The following ATP10A variants were observed in gnomAD, a reference collection of about 807,000 sequenced individuals.
The protein encoded by ATP10A is phospholipid-transporting ATPase VA.
In ATP10A, 111 loss-of-function variants were observed where a neutral mutation model predicts 147.8. The ratio of observed to expected loss-of-function variants is 0.75; its 90% CI spans 0.64 to 0.88. The LOEUF (loss-of-function observed/expected upper bound fraction) is 0.88, where lower values mean the gene tolerates loss of function less well. ATP10A is among the 40% of genes least tolerant of loss of function. The pLI, the probability that ATP10A is intolerant of heterozygous loss-of-function variation, is 0.00. For missense variants in ATP10A, 1,927 were observed against 1,959.0 expected (o/e 0.98, Z 0.31); for synonymous variants, 875 against 841.6 (o/e 1.04, Z -0.69).
intron 14 of ATP10A, among the ~76,000 whole-genome samples, chr15:25,692,400 G>A (rs1234645166): frequency 6.6e-6 from 1 of 152,150 alleles, no homozygotes; most frequent in Admixed American, 6.5e-5. Flanking sequence ...TCGGGGAAAG[G>A]ACAGCAGAGT....
chr15:25,803,425 G>T (rs894188635), intron 1 of ATP10A, among the ~76,000 whole-genome samples: 1 of 152,184 alleles, frequency 6.6e-6, no homozygotes, highest in African/African-American at 2.4e-5. Flanking sequence ...TTTCTCTCCT[G>T]CTTCTCAGGT....
rs116609652 is a variant in ATP10A, at chr15:25,714,077, G to A, written c.1941C>T (p.Ser647=). The change falls in exon 10 of 21, where the codon AGC becomes AGT. Residue 647 remains serine (S), a synonymous_variant. Coordinates refer to ENST00000555815, the MANE Select transcript of ATP10A (RefSeq NM_024490.4). ...LGSSFPSTPS[S]DGMLLRLEER... ...CCTCCAGCCTGAGAAGCATGCCGTCGCTGGACGGGGTGGACGGGAAGCTGG... is the reference window on the plus strand; with the variant it reads ...CCTCCAGCCTGAGAAGCATGCCGTCACTGGACGGGGTGGACGGGAAGCTGG... The A allele has an allele frequency of 2.1e-4, 345 of 1,613,104 alleles. No homozygotes were observed. The East Asian group carries it at 6.4e-3, about 30-fold the overall frequency.
rs145601336 is a variant in ATP10A at position 25,723,900 on chromosome 15, T to C, written c.1101A>G (p.Ile367Met). Reference protein sequence around the residue: ...AAVYSFLTMIIVLQVLIPISL... With the variant: ...AAVYSFLTMIMVLQVLIPISL... ...TACTTAGTATTGTTACCTGCAGAAC[T>C]ATTATCATTGTTAAAAATGAGTAAA... The change falls in exon 6 of 21, where the codon ATA becomes ATG. Residue 367 changes from isoleucine to methionine, a missense_variant. Physicochemically the swap from Ile to Met is conservative, Grantham distance 10. Transcript: ENST00000555815. 3.3e-4 allele frequency: 521 copies of C among 1,602,728 alleles called. No homozygotes were observed. Among genetic ancestry groups the C allele is most frequent in the Non-Finnish European group, 4.3e-4 (508 of 1,176,572 alleles).
At chr15:25,703,866 G>A (rs1199173410) in intron 12 of ATP10A, among the ~76,000 whole-genome samples, 1 of 152,216 alleles carries the variant, frequency 6.6e-6, no homozygotes, top group Non-Finnish European at 1.5e-5. Context: ...AGGTGATGTG[G>A]GAACTTGGGG....
chr15:25,846,996 G>A (rs1283407649), intron 1 of ATP10A, among the ~76,000 whole-genome samples: 2 of 152,206 alleles, frequency 1.3e-5, no homozygotes, highest in Non-Finnish European at 2.9e-5. Flanking sequence ...GACTGTGGCT[G>A]TAATGAACCA....
chr15:25,841,956 G>A (rs1213023436), intron 1 of ATP10A, among the ~76,000 whole-genome samples: 3 of 152,130 alleles, frequency 2.0e-5, no homozygotes, highest in Admixed American at 6.5e-5. Context: ...GTTTTGTTTT[G>A]GGTTTTGTAG....
rs1303290722 is a variant in ATP10A at position 25,862,975 on chromosome 15, G to T, written c.122C>A (p.Ala41Glu). 2.0e-6 allele frequency: 3 copies of T among 1,491,336 alleles called. No homozygotes were observed. The highest frequency in any genetic ancestry group is 3.6e-4 in the Middle Eastern group (2 of 5,614). 92.4% of individuals were successfully genotyped at this position (1,491,336 alleles called of 1,614,324 possible). A position where few individuals can be genotyped will look rare whatever the true frequency, so the allele number is the denominator to read the frequency against. Residue 41 changes from alanine to glutamate, a missense_variant, in exon 1 of 21, where the codon GCG becomes GAG. Transcript: ENST00000555815. ...LLPPPGAEDP[A>E]AGAAKGERRR... Reference sequence around the variant, plus strand: ...CCGCTCGCCCTTGGCCGCGCCAGCCGCAGGGTCCTCGGCGCCCGGGGGCGG... The same window carrying T: ...CCGCTCGCCCTTGGCCGCGCCAGCCTCAGGGTCCTCGGCGCCCGGGGGCGG...
intron 2 of ATP10A, among the ~76,000 whole-genome samples, chr15:25,763,028 A>T (rs1429219719): frequency 1.3e-5 from 2 of 152,148 alleles, no homozygotes; most frequent in Non-Finnish European, 2.9e-5. Context: ...GGTTTTTTGA[A>T]AGACTCTTAC....
chr15:25,729,692 C>T (rs1039426150), intron 3 of ATP10A, among the ~76,000 whole-genome samples: 3 of 152,192 alleles, frequency 2.0e-5, no homozygotes, highest in Non-Finnish European at 4.4e-5. Context: ...ATGTTCTGTC[C>T]ACTCTGTGCT....
chr15:25,675,588 G>T (rs981505709), downstream of ATP10A, among the ~76,000 whole-genome samples: 2 of 151,538 alleles, frequency 1.3e-5, no homozygotes, highest in Non-Finnish European at 2.9e-5. Flanking sequence ...GGCTGGGAGG[G>T]AGGGAGCAAC....
chr15:25,744,966 G>T (rs1434820984), intron 2 of ATP10A, among the ~76,000 whole-genome samples: 1 of 152,190 alleles, frequency 6.6e-6, no homozygotes, highest in African/African-American at 2.4e-5. Context: ...AATAGGGTCT[G>T]TGAAGGGAGA....
At chr15:25,724,165 C>A (rs1188742786) in intron 5 of ATP10A, 144 bp from the exon 6 acceptor site, 8 of 876,348 alleles carry the variant, frequency 9.1e-6, no homozygotes, top group South Asian at 2.3e-5. Flanking sequence ...TGTCAGAAAG[C>A]GAAAACACAA....
downstream of ATP10A, among the ~76,000 whole-genome samples, chr15:25,672,743 G>A (rs561382538): frequency 5.9e-5 from 9 of 152,308 alleles, no homozygotes; most frequent in South Asian, 1.9e-3. Context: ...GATTAGTGAT[G>A]TTGAGTATGC....
rs148583334 is a variant in ATP10A, at chr15:25,765,455, G to A, written c.654+15564C>T. ...CAAGAAAGCTCAGGTTAAAGTCAGAGACTTAGCGTTCCCACCCACATTCCA... is the reference window on the plus strand; with the variant it reads ...CAAGAAAGCTCAGGTTAAAGTCAGAAACTTAGCGTTCCCACCCACATTCCA... On this transcript the variant is annotated intron_variant, in intron 2 of 20. Coordinates refer to ENST00000555815, the MANE Select transcript of ATP10A (RefSeq NM_024490.4). Among the ~76,000 whole-genome samples, 6 of 152,282 alleles carry A rather than the reference G, an allele frequency of 3.9e-5. No homozygotes were observed. The East Asian group carries it at 9.7e-4, about 24-fold the overall frequency.
At chr15:25,853,280 G>A (rs1331158757) in intron 1 of ATP10A, among the ~76,000 whole-genome samples, 2 of 152,196 alleles carry the variant, frequency 1.3e-5, no homozygotes, top group African/African-American at 4.8e-5. Flanking sequence ...AATATGGCAA[G>A]GTGAGTCTTG....
upstream of ATP10A, among the ~76,000 whole-genome samples, chr15:25,864,754 C>T (rs1349851679): frequency 6.6e-6 from 1 of 152,176 alleles, no homozygotes; most frequent in Non-Finnish European, 1.5e-5. Context: ...GAAACCCAAA[C>T]GGAGCATCAA....
At chr15:25,802,785 G>C (rs992132583) in intron 1 of ATP10A, among the ~76,000 whole-genome samples, 1 of 152,118 alleles carries the variant, frequency 6.6e-6, no homozygotes, top group Admixed American at 6.5e-5. Context: ...GATTACACTG[G>C]GCCCACCCAG....
intron 1 of ATP10A, among the ~76,000 whole-genome samples, chr15:25,802,504 C>G (rs1361311912): frequency 6.6e-6 from 1 of 152,174 alleles, no homozygotes; most frequent in Non-Finnish European, 1.5e-5. Flanking sequence ...GAAAACCACA[C>G]ACGTTTATGA....
At chr15:25,854,201 A>C (rs904902971) in intron 1 of ATP10A, among the ~76,000 whole-genome samples, 5 of 152,228 alleles carry the variant, frequency 3.3e-5, no homozygotes, top group Non-Finnish European at 5.9e-5. Flanking sequence ...TTCAGAAAGA[A>C]GAAAGCCTGG....
Sources: gnomAD v4.1 joint callset for allele counts (sites outside exome capture counted in the v4.1 genomes callset) on GRCh38, gnomAD v4.1.1 for gene constraint, MANE v1.5 for transcripts, NCBI Gene and HGNC (gene_info 2026-07-23, HGNC 2026-07-21) for gene names.